The following SPATA16 variants were observed in gnomAD, a reference collection of about 807,000 sequenced individuals.
SPATA16 encodes the protein spermatogenesis associated 16, also known as spermatogenesis-associated protein 16.
SPATA16 carries 36 observed loss-of-function variants against 63.3 expected under a neutral mutation model. That is an observed-to-expected ratio of 0.57 (90% CI 0.44 to 0.75). The LOEUF is 0.75. SPATA16 is among the 30% of genes least tolerant of loss of function. The probability of loss-of-function intolerance (pLI) is 0.00; values close to 1 mark genes in which losing one functional copy is unlikely to be tolerated. For synonymous variants in SPATA16, 203 were observed against 216.7 expected, an observed-to-expected ratio of 0.94 and a Z score of 0.56; for missense variants, 646 against 679.3, an observed-to-expected ratio of 0.95 and a Z score of 0.54.
chr3:173,063,493 TG>T (rs1560110967), intron 2 of SPATA16, among the ~76,000 whole-genome samples: 3 of 152,054 alleles, frequency 2.0e-5, no homozygotes, highest in Non-Finnish European at 4.4e-5. Context: ...ATGAAGGCCT[TG>T]GTTAGTAGCA....
intron 5 of SPATA16, 102 bp downstream of exon 5, chr3:172,976,866 C>G: frequency 2.2e-6 from 2 of 895,124 alleles, no homozygotes; most frequent in Non-Finnish European, 3.7e-6. Flanking sequence ...GATTGATATG[C>G]CCAGAGCTAC....
intron 2 of SPATA16, among the ~76,000 whole-genome samples, chr3:173,049,926 C>G (rs1577148510): frequency 1.3e-5 from 2 of 152,070 alleles, no homozygotes; most frequent in South Asian, 4.2e-4. Context: ...GAAGTCCTAT[C>G]TATGTTTAGT....
intron 2 of SPATA16, among the ~76,000 whole-genome samples, chr3:173,062,495 G>T (rs1274749130): frequency 6.6e-6 from 1 of 152,076 alleles, no homozygotes; most frequent in Non-Finnish European, 1.5e-5. Flanking sequence ...TTTATACATT[G>T]TATCCCATTA....
At chr3:172,947,798 A>G (rs13323250) in intron 6 of SPATA16, among the ~76,000 whole-genome samples, 13,270 of 152,130 alleles carry the variant, frequency 0.087, 1,934 homozygotes, top group African/African-American at 0.3. Context: ...GGCAAGGGGA[A>G]GGAGAGCATT....
intron 10 of SPATA16, among the ~76,000 whole-genome samples, chr3:172,901,338 T>C (rs2109547321): frequency 6.6e-6 from 1 of 152,330 alleles, no homozygotes; most frequent in African/African-American, 2.4e-5. Context: ...TAGCTGGGAC[T>C]ACAGGCATGT....
At chr3:173,014,635 T>C (rs1195118865) in intron 4 of SPATA16, among the ~76,000 whole-genome samples, 4 of 152,246 alleles carry the variant, frequency 2.6e-5, no homozygotes, top group Admixed American at 2.0e-4. Context: ...TGGAATGCTC[T>C]GAAGTTATAT....
intron 2 of SPATA16, among the ~76,000 whole-genome samples, chr3:173,054,482 C>T (rs936903713): frequency 1.2e-4 from 18 of 152,160 alleles, no homozygotes; most frequent in Non-Finnish European, 8.8e-5. Flanking sequence ...ATGTCCTTTG[C>T]AGGGACATGG....
intron 6 of SPATA16, among the ~76,000 whole-genome samples, chr3:172,936,443 T>G (rs74442906): frequency 1.3e-5 from 2 of 152,230 alleles, no homozygotes; most frequent in East Asian, 3.8e-4. Flanking sequence ...CTCCCTCTTC[T>G]GTCATGCATT....
chr3:173,058,588 GT>G (rs1736305004), intron 2 of SPATA16, among the ~76,000 whole-genome samples: 2 of 151,984 alleles, frequency 1.3e-5, no homozygotes, highest in African/African-American at 4.8e-5. Flanking sequence ...ATGTTTTACT[GT>G]ATTTGTTCTT....
At chr3:173,118,014 A>G (rs960148534) in intron 1 of SPATA16, among the ~76,000 whole-genome samples, 4 of 152,212 alleles carry the variant, frequency 2.6e-5, no homozygotes, top group Admixed American at 6.5e-5. Context: ...ACAACATCGA[A>G]TGAATACTTT....
chr3:173,000,971 A>G (rs1337874656), intron 4 of SPATA16, among the ~76,000 whole-genome samples: 1 of 152,114 alleles, frequency 6.6e-6, no homozygotes, highest in Non-Finnish European at 1.5e-5. Context: ...TAACAAATTA[A>G]TCACAGTTTC....
chr3:172,891,142 G>A (rs943431248), intron 10 of SPATA16, among the ~76,000 whole-genome samples: 9 of 151,986 alleles, frequency 5.9e-5, no homozygotes, highest in Admixed American at 3.9e-4. Context: ...CACATTATTT[G>A]TATTGACAAT....
At chr3:173,048,477 G>A (rs552823674) in intron 3 of SPATA16, among the ~76,000 whole-genome samples, 1 of 152,146 alleles carries the variant, frequency 6.6e-6, no homozygotes, top group South Asian at 2.1e-4. Flanking sequence ...TAAGGACAGA[G>A]ATAAAAAGTA....
chr3:172,978,298 G>A (rs1038790808), intron 4 of SPATA16, among the ~76,000 whole-genome samples: 4 of 152,152 alleles, frequency 2.6e-5, no homozygotes, highest in African/African-American at 9.7e-5. Context: ...AAGGTAAAGA[G>A]AGGTAGGAGG....
chr3:172,923,571 G>A (rs990467110), intron 8 of SPATA16, among the ~76,000 whole-genome samples: 1 of 152,128 alleles, frequency 6.6e-6, no homozygotes, highest in African/African-American at 2.4e-5. Context: ...AGCCTTTATA[G>A]CCTATTAATG....
chr3:172,990,485 T>C (rs1734550440), intron 4 of SPATA16, among the ~76,000 whole-genome samples: 1 of 152,146 alleles, frequency 6.6e-6, no homozygotes, highest in African/African-American at 2.4e-5. Flanking sequence ...AACTAGTACA[T>C]TTACTTGCTC....
chr3:172,981,800 T>C (rs544627963), intron 4 of SPATA16, among the ~76,000 whole-genome samples: 1 of 152,372 alleles, frequency 6.6e-6, no homozygotes, highest in East Asian at 1.9e-4. Context: ...TATTATGGTC[T>C]GTGGGTCCCA....
At chr3:172,916,689 G>C (rs1732497792) in intron 8 of SPATA16, among the ~76,000 whole-genome samples, 1 of 152,056 alleles carries the variant, frequency 6.6e-6, no homozygotes, top group African/African-American at 2.4e-5. Flanking sequence ...GAGTCCTTTG[G>C]AGAACTGTTG....
chr3:173,037,726 G>A (rs1404854813), intron 3 of SPATA16, among the ~76,000 whole-genome samples: 1 of 151,986 alleles, frequency 6.6e-6, no homozygotes, highest in East Asian at 1.9e-4. Flanking sequence ...CAAACTAAAG[G>A]TGTTATAACT....
Sources: gnomAD v4.1 joint callset for allele counts (sites outside exome capture counted in the v4.1 genomes callset) on GRCh38, gnomAD v4.1.1 for gene constraint, MANE v1.5 for transcripts, NCBI Gene and HGNC (gene_info 2026-07-23, HGNC 2026-07-21) for gene names.